Variants in KIAA1217 observed in about 807,000 individuals in gnomAD.
KIAA1217 encodes the protein sickle tail protein homolog.
KIAA1217 carries 88 observed loss-of-function variants against 163.9 expected under a neutral mutation model. That is an observed-to-expected ratio of 0.54 (90% confidence interval 0.45 to 0.64). The LOEUF (loss-of-function observed/expected upper bound fraction) is 0.64. Among genes scored for constraint, KIAA1217 ranks in the 30% least tolerant of loss-of-function variants. The pLI, the probability that KIAA1217 is intolerant of heterozygous loss-of-function variation, is 0.00. For missense variants in KIAA1217, 2,372 were observed against 2,475.0 expected (o/e 0.96, Z 0.88); for synonymous variants, 903 against 923.1 (o/e 0.98, Z 0.39).
At chr10:24,262,203 G>A (rs190197725) in intron 2 of KIAA1217, among the ~76,000 whole-genome samples, 5 of 152,294 alleles carry the variant, frequency 3.3e-5, no homozygotes, top group African/African-American at 4.8e-5. Flanking sequence ...ACAGAGAACC[G>A]CACAAGGACT....
At position 24,543,191 on chromosome 10, in the gene KIAA1217, G is replaced by C. The variant is rs1328597350; in HGVS notation, c.3921G>C (p.Lys1307Asn). The C allele has an allele frequency of 1.9e-6, 3 of 1,613,022 alleles. No individual in the cohort carries two copies. The highest frequency in any genetic ancestry group is 2.5e-6 in the Non-Finnish European group (3 of 1,179,864). ...ENQTLNYGKTKEMEKQNTDKC... is the reference protein window; with the variant it reads ...ENQTLNYGKTNEMEKQNTDKC... ...AGACGCTGAATTACGGAAAGACAAA[G>C]GAGATGGAAAAGCAAAATACGGATA... Residue 1307 changes from lysine (K) to asparagine (N), a missense_variant, in exon 19 of 21, where the codon AAG becomes AAC. By Grantham distance (94) the Lys-to-Asn change is moderately conservative (BLOSUM62 0). Coordinates refer to ENST00000376454, the MANE Select transcript of KIAA1217 (RefSeq NM_019590.5).
chr10:23,921,453 T>A (rs1842845284), intron 1 of KIAA1217, among the ~76,000 whole-genome samples: 1 of 152,176 alleles, frequency 6.6e-6, no homozygotes, highest in Non-Finnish European at 1.5e-5. Context: ...GTCACTTCCT[T>A]CTCTCATGGT....
At chr10:24,408,767 G>C (rs551778573) in intron 3 of KIAA1217, among the ~76,000 whole-genome samples, 30 of 152,208 alleles carry the variant, frequency 2.0e-4, no homozygotes, top group African/African-American at 6.5e-4. Flanking sequence ...CTGAAGAAGG[G>C]CTCTCTGGCC....
chr10:23,842,261 A>T (rs936195832), intron 1 of KIAA1217, among the ~76,000 whole-genome samples: 3 of 152,178 alleles, frequency 2.0e-5, no homozygotes, highest in Non-Finnish European at 4.4e-5. Flanking sequence ...AGGGGAATAA[A>T]TGGTTCTGCC....
chr10:23,785,107 TG>T (rs148397090), intron 1 of KIAA1217, among the ~76,000 whole-genome samples: 1,594 of 152,168 alleles, frequency 0.01, 24 homozygotes, highest in African/African-American at 0.036. Flanking sequence ...AACTGGCTAG[TG>T]TGATGTGAAA....
chr10:23,727,621 A>G (rs764983210), intron 1 of KIAA1217, among the ~76,000 whole-genome samples: 1 of 152,146 alleles, frequency 6.6e-6, no homozygotes, highest in African/African-American at 2.4e-5. Context: ...TTCATTTAAT[A>G]TTTTTAACGT....
chr10:23,790,549 A>ATACATATGTATATGTACATATG (rs1835844520), intron 1 of KIAA1217, among the ~76,000 whole-genome samples: 1 of 104,586 alleles, frequency 9.6e-6, no homozygotes, highest in African/African-American at 5.8e-5. Context: ...ATGTGCATAT[A>ATACATATGTATATGTACATATG]TACATATGTA....
rs185707988 is a variant in KIAA1217, at chr10:24,293,915, C to T, written c.354+74006C>T. On this transcript the variant is annotated intron_variant, in intron 2 of 20. Coordinates refer to ENST00000376454, the MANE Select transcript of KIAA1217 (RefSeq NM_019590.5). ...CGACGTCTTTGAAATAGTTCCTGGCCGGGTGCGGTGGCTCACGCCTGGAAT... is the reference window on the plus strand; with the variant it reads ...CGACGTCTTTGAAATAGTTCCTGGCTGGGTGCGGTGGCTCACGCCTGGAAT... Among the ~76,000 whole-genome samples, 8 of 152,246 alleles carry T rather than the reference C, an allele frequency of 5.3e-5. No homozygotes were observed. In the East Asian group the frequency reaches 1.4e-3, roughly 26 times the overall value.
chr10:24,325,664 C>T (rs1316035147), intron 2 of KIAA1217, among the ~76,000 whole-genome samples: 1 of 152,090 alleles, frequency 6.6e-6, no homozygotes, highest in African/African-American at 2.4e-5. Context: ...TCTGGTCTGG[C>T]TATAAGATTA....
At chr10:23,754,369 C>T (rs1013847680) in intron 1 of KIAA1217, among the ~76,000 whole-genome samples, 19 of 152,206 alleles carry the variant, frequency 1.2e-4, no homozygotes, top group African/African-American at 4.1e-4. Flanking sequence ...TTCAGTGCCC[C>T]TCCTGGCACC....
chr10:24,317,766 C>T (rs2043585968), intron 2 of KIAA1217, among the ~76,000 whole-genome samples: 1 of 152,182 alleles, frequency 6.6e-6, no homozygotes. Context: ...CTAAAAGAAA[C>T]AGCTAACAGC....
At chr10:23,856,526 C>T (rs1023015756) in intron 1 of KIAA1217, among the ~76,000 whole-genome samples, 3 of 152,228 alleles carry the variant, frequency 2.0e-5, no homozygotes, top group Non-Finnish European at 4.4e-5. Context: ...GCTGGGAGAA[C>T]CACTGCTCTC....
At chr10:24,060,704 G>A (rs976816399) in intron 2 of KIAA1217, among the ~76,000 whole-genome samples, 1 of 152,152 alleles carries the variant, frequency 6.6e-6, no homozygotes, top group Non-Finnish European at 1.5e-5. Flanking sequence ...GCTGAGGCAG[G>A]AGGATTATTT....
chr10:24,366,649 G>A (rs1213147461), intron 2 of KIAA1217, among the ~76,000 whole-genome samples: 1 of 152,166 alleles, frequency 6.6e-6, no homozygotes, highest in African/African-American at 2.4e-5. Context: ...GCATGGCAAA[G>A]CATGGGCAGA....
chr10:24,439,475 G>T (rs1268901170), intron 5 of KIAA1217, among the ~76,000 whole-genome samples: 1 of 152,174 alleles, frequency 6.6e-6, no homozygotes, highest in East Asian at 1.9e-4. Context: ...CTTCCTGATA[G>T]TACATATTAG....
At chr10:23,840,798 G>A (rs1490280051) in intron 1 of KIAA1217, among the ~76,000 whole-genome samples, 1 of 152,184 alleles carries the variant, frequency 6.6e-6, no homozygotes, top group East Asian at 1.9e-4. Context: ...TTGTGGAAAT[G>A]GTCATAATCA....
intron 2 of KIAA1217, among the ~76,000 whole-genome samples, chr10:24,376,791 C>G (rs1434861287): frequency 6.6e-6 from 1 of 152,110 alleles, no homozygotes; most frequent in Non-Finnish European, 1.5e-5. Context: ...GACCAACCAA[C>G]CAATCTTACC....
intron 2 of KIAA1217, among the ~76,000 whole-genome samples, chr10:24,330,029 G>A (rs563240049): frequency 1.4e-4 from 22 of 152,300 alleles, no homozygotes; most frequent in African/African-American, 5.3e-4. Flanking sequence ...GCTGGGCGTG[G>A]TGGCTCACAC....
intron 1 of KIAA1217, among the ~76,000 whole-genome samples, chr10:23,856,860 G>C (rs973716969): frequency 6.6e-6 from 1 of 152,318 alleles, no homozygotes; most frequent in East Asian, 1.9e-4. Context: ...TAAGCCCATC[G>C]GAAAAGCGCA....
Sources: gnomAD v4.1 joint callset for allele counts (sites outside exome capture counted in the v4.1 genomes callset) on GRCh38, gnomAD v4.1.1 for gene constraint, MANE v1.5 for transcripts, NCBI Gene and HGNC (gene_info 2026-07-23, HGNC 2026-07-21) for gene names.